SORCS1: variants seen among roughly 807,000 people sequenced by gnomAD.
The protein encoded by SORCS1 is VPS10 domain-containing receptor SorCS1.
SORCS1 carries 60 observed loss-of-function variants against 146.1 expected under a neutral mutation model. The ratio of observed to expected loss-of-function variants is 0.41; its 90% CI spans 0.33 to 0.51. The LOEUF (loss-of-function observed/expected upper bound fraction) is 0.51. SORCS1 is among the 20% of genes least tolerant of loss of function. The pLI is 0.21. For missense variants in SORCS1, 1,352 were observed against 1,487.6 expected, an observed-to-expected ratio of 0.91 and a Z score of 1.50; for synonymous variants, 637 against 584.0, an observed-to-expected ratio of 1.09 and a Z score of -1.31.
At chr10:106,916,208 T>C (rs1482044715) in intron 2 of SORCS1, among the ~76,000 whole-genome samples, 1 of 152,146 alleles carries the variant, frequency 6.6e-6, no homozygotes, top group Non-Finnish European at 1.5e-5. Context: ...GCATTCTCTT[T>C]CACTAAAATG....
intron 8 of SORCS1, among the ~76,000 whole-genome samples, chr10:106,700,812 T>C (rs1392314037): frequency 6.6e-6 from 1 of 152,236 alleles, no homozygotes; most frequent in Non-Finnish European, 1.5e-5. Context: ...TCCTCACCTC[T>C]ACTCAGGTTC....
Position 107,164,342 on chromosome 10 carries a change from G to A in SORCS1, c.185C>T (p.Pro62Leu). The A allele has an allele frequency of 6.5e-7, 1 of 1,532,324 alleles. No individual in the cohort carries two copies. Among genetic ancestry groups the A allele is most frequent in the Non-Finnish European group, 8.8e-7 (1 of 1,141,678 alleles). The allele number at this position is 1,532,324 out of a possible 1,614,324, so 94.9% of individuals were successfully genotyped here. A position where few individuals can be genotyped will look rare whatever the true frequency, so the allele number is the denominator to read the frequency against. Residue 62 changes from proline to leucine, a missense_variant, in exon 1 of 26, where the codon CCA becomes CTA. Physicochemically the swap from Pro to Leu is moderately conservative, Grantham distance 98. This residue lies in a region of SORCS1 where 490 missense variants were observed against 489.1 expected (regional missense o/e 1.00). Coordinates refer to ENST00000263054, the MANE Select transcript of SORCS1 (RefSeq NM_052918.5). This position sits in a 1 kb window ranked among gnomAD's most constrained non-coding sequence, Gnocchi z 6.8. Reference protein sequence around the residue: ...TPRGFSHQGRPGRAPATPLPL... With the variant: ...TPRGFSHQGRLGRAPATPLPL... Reference sequence around the variant, plus strand: ...CAGGGGCGTGGCAGGAGCCCTGCCTGGCCGCCCCTGGTGGGAAAAGCCCCT... The same window carrying A: ...CAGGGGCGTGGCAGGAGCCCTGCCTAGCCGCCCCTGGTGGGAAAAGCCCCT...
At chr10:106,695,126 G>A (rs1470794213) in intron 9 of SORCS1, among the ~76,000 whole-genome samples, 1 of 152,250 alleles carries the variant, frequency 6.6e-6, no homozygotes, top group South Asian at 2.1e-4. Flanking sequence ...CTATTCAGGT[G>A]TGATGGAGTT....
At chr10:106,775,869 T>C (rs761414385) in intron 4 of SORCS1, among the ~76,000 whole-genome samples, 1 of 152,230 alleles carries the variant, frequency 6.6e-6, no homozygotes, top group Non-Finnish European at 1.5e-5. Flanking sequence ...AGGGACCATA[T>C]GTATGTTATA....
chr10:106,828,368 T>C (rs553515635), intron 3 of SORCS1, among the ~76,000 whole-genome samples: 20 of 152,304 alleles, frequency 1.3e-4, no homozygotes, highest in Admixed American at 1.2e-3. Context: ...TAGTAAGATA[T>C]AGTTACCTGA....
At chr10:107,015,007 G>A (rs892905657) in intron 1 of SORCS1, among the ~76,000 whole-genome samples, 1 of 152,166 alleles carries the variant, frequency 6.6e-6, no homozygotes, top group Non-Finnish European at 1.5e-5. Context: ...CTTAGGGTCA[G>A]GATGAATTCT....
intron 2 of SORCS1, among the ~76,000 whole-genome samples, chr10:106,849,895 C>T (rs1468094431): frequency 1.3e-5 from 2 of 152,090 alleles, no homozygotes; most frequent in Non-Finnish European, 2.9e-5. Flanking sequence ...AGTTAGGCTG[C>T]TCGGGGGTCA....
At chr10:106,921,879 C>T (rs1589710096) in intron 2 of SORCS1, among the ~76,000 whole-genome samples, 1 of 152,114 alleles carries the variant, frequency 6.6e-6, no homozygotes, top group Non-Finnish European at 1.5e-5. Context: ...TCCAGAAAAG[C>T]CCTCTCTAGG....
intron 5 of SORCS1, among the ~76,000 whole-genome samples, chr10:106,755,459 C>T (rs1168770329): frequency 3.3e-5 from 5 of 152,046 alleles, no homozygotes; most frequent in African/African-American, 1.2e-4. Context: ...GCTAGCTAGA[C>T]CAATGTAGTT....
chr10:107,040,252 GTTTT>G (rs572649869), intron 1 of SORCS1, among the ~76,000 whole-genome samples: 4 of 152,074 alleles, frequency 2.6e-5, no homozygotes, highest in Non-Finnish European at 5.9e-5. Flanking sequence ...GGGTTTTGGG[GTTTT>G]TTTAGTTTTC....
intron 2 of SORCS1, among the ~76,000 whole-genome samples, chr10:106,893,835 C>T (rs1465207164): frequency 2.0e-5 from 3 of 152,150 alleles, no homozygotes; most frequent in South Asian, 2.1e-4. Context: ...TCCAGCTCTT[C>T]GGGCCAGCAG....
chr10:106,806,505 CTTTTTTTTTTTTTTT>C lies in SORCS1; in HGVS notation c.726+23054_726+23068del, dbSNP rs1191296212. 6.6e-3 allele frequency among the ~76,000 whole-genome samples: 464 copies of C among 70,454 alleles called. 20 individuals are homozygous for C. The East Asian group carries it at 0.11, about 16-fold the overall frequency. 46.2% of individuals were successfully genotyped at this position (70,454 alleles called of 152,430 possible). On this transcript the variant is annotated intron_variant, in intron 3 of 25. Transcript: ENST00000263054. The stretch of plus-strand genomic sequence containing the variant: ...CAGCCCTTCTGATGAGAGAGGAAGC[CTTTTTTTTTTTTTTT>C]TTTTTTTTTTTTTGAGATGGAGTCT...
At chr10:106,775,185 G>C (rs991585135) in intron 4 of SORCS1, among the ~76,000 whole-genome samples, 8 of 152,156 alleles carry the variant, frequency 5.3e-5, no homozygotes, top group Admixed American at 3.9e-4. Flanking sequence ...GGCATCGGTG[G>C]GGGGGAATTA....
intron 1 of SORCS1, among the ~76,000 whole-genome samples, chr10:107,024,736 A>G (rs2133892124): frequency 6.6e-6 from 1 of 152,100 alleles, no homozygotes; most frequent in African/African-American, 2.4e-5. Flanking sequence ...TTCTCCCCTT[A>G]TTTTTGGATT....
chr10:106,843,668 C>A (rs1271694332), intron 2 of SORCS1, among the ~76,000 whole-genome samples: 1 of 152,108 alleles, frequency 6.6e-6, no homozygotes, highest in Non-Finnish European at 1.5e-5. Context: ...ATCTCCTGAC[C>A]TCGTGATCTG....
At chr10:106,660,619 A>C (rs1460564131) in intron 17 of SORCS1, among the ~76,000 whole-genome samples, 1 of 152,164 alleles carries the variant, frequency 6.6e-6, no homozygotes, top group Non-Finnish European at 1.5e-5. Flanking sequence ...ACCTAACTTA[A>C]ACTTTTTAAA....
chr10:106,817,460 CTA>C (rs781228078), intron 3 of SORCS1, among the ~76,000 whole-genome samples: 34 of 152,160 alleles, frequency 2.2e-4, no homozygotes, highest in Admixed American at 6.6e-5. Context: ...TCTTTTATTG[CTA>C]TGTTTTACTC....
intron 1 of SORCS1, among the ~76,000 whole-genome samples, chr10:107,118,980 CTA>C (rs1966219220): frequency 6.6e-6 from 1 of 152,140 alleles, no homozygotes; most frequent in African/African-American, 2.4e-5. Flanking sequence ...TGAGTGATAA[CTA>C]TGCAGATGAG....
intron 1 of SORCS1, among the ~76,000 whole-genome samples, chr10:106,996,777 T>C (rs1356153905): frequency 6.6e-6 from 1 of 152,198 alleles, no homozygotes; most frequent in Non-Finnish European, 1.5e-5. Flanking sequence ...CTGGTACTCT[T>C]TGGGAAGATG....
Sources: gnomAD v4.1 joint callset for allele counts (sites outside exome capture counted in the v4.1 genomes callset) on GRCh38, gnomAD v4.1.1 for gene constraint, gnomAD v4.1.1 regional missense constraint, Gnocchi (gnomAD v3.1) non-coding constraint, MANE v1.5 for transcripts, NCBI Gene and HGNC (gene_info 2026-07-23, HGNC 2026-07-21) for gene names.